The following PLAGL1 variants were observed in gnomAD, a reference collection of about 807,000 sequenced individuals.
PLAGL1 encodes PLAG1 like zinc finger 1.
In PLAGL1, 1 loss-of-function variant was observed where a neutral mutation model predicts 4.6. The observed-to-expected ratio is 0.22, with a 90% CI of 0.08 to 1.03. The LOEUF is 1.03. Ranked by LOEUF, PLAGL1 falls within the 50% of genes least tolerant of loss-of-function variation. The pLI is 0.58. For missense variants in PLAGL1, 464 were observed against 570.4 expected (o/e 0.81, Z 1.90); for synonymous variants, 240 against 237.8 (o/e 1.01, Z -0.08).
At position 144,032,326 on chromosome 6, in the gene PLAGL1, G is replaced by A. The variant is rs929535475; in HGVS notation, c.-151+32142C>T. 8.3e-5 allele frequency among the ~76,000 whole-genome samples: 11 copies of A among 132,330 alleles called. No homozygotes were observed. In the South Asian group the frequency reaches 2.7e-3, roughly 33 times the overall value. 86.8% of individuals were successfully genotyped at this position (132,330 alleles called of 152,430 possible). On this transcript the variant is annotated intron_variant, in intron 1 of 3. Transcript: ENST00000437412. ...TTTGGTGGAGATGAGGTTTCACTAT[G>A]TTGCCCAGGCTGGTCTCAAAGTCCT...
In PLAGL1 at chr6:143,957,431, C is replaced by G. The variant is rs147476456; in HGVS notation, c.-325+3038G>C. 6.6e-4 allele frequency among the ~76,000 whole-genome samples: 101 copies of G among 152,312 alleles called. No homozygotes were observed. The highest frequency in any genetic ancestry group is 2.4e-3 in the African/African-American group (100 of 41,560). On this transcript the variant is annotated intron_variant, in intron 6 of 7. Transcript: ENST00000674357. The surrounding 1 kb of genome is among the most constrained non-coding windows in gnomAD (Gnocchi z 4.2). The stretch of plus-strand genomic sequence containing the variant: ...TGATAGCTGAAAATACATCCCCCTC[C>G]TCACTCCCTAGAAACCCTTGAGTCT...
At chr6:143,993,131 A>AC (rs959945445) in intron 1 of PLAGL1, among the ~76,000 whole-genome samples, 7 of 151,550 alleles carry the variant, frequency 4.6e-5, no homozygotes, top group Admixed American at 3.3e-4. Flanking sequence ...ACACAGTGAA[A>AC]CCCCACCTCT....
Position 144,022,249 on chromosome 6 carries a change from C to A in PLAGL1, c.-151+42219G>T, listed in dbSNP as rs1011184987. ...GGCAAAGATCTGAACAGACAGCTCACCAGAGGAGATATGTAGATGGCATGT... is the reference window on the plus strand; with the variant it reads ...GGCAAAGATCTGAACAGACAGCTCAACAGAGGAGATATGTAGATGGCATGT... On this transcript the variant is annotated intron_variant, in intron 1 of 3. Transcript: ENST00000437412. The surrounding 1 kb of genome is among the most constrained non-coding windows in gnomAD (Gnocchi z 4.2). Among the ~76,000 whole-genome samples, 5 of 152,122 alleles carry A rather than the reference C, an allele frequency of 3.3e-5. No homozygotes were observed. The highest frequency in any genetic ancestry group is 1.2e-4 in the African/African-American group (5 of 41,410).
At position 143,942,149 on chromosome 6, in the gene PLAGL1, T is replaced by G. The variant is rs752153135; in HGVS notation, c.667A>C (p.Ser223Arg). 8.1e-6 allele frequency: 13 copies of G among 1,613,994 alleles called. No individual in the cohort carries two copies. In the South Asian group the frequency reaches 1.3e-4, roughly 16 times the overall value. Residue 223 changes from serine (S) to arginine (R), a missense_variant, in exon 8 of 8, where the codon AGC (serine) becomes CGC (arginine). Ser to Arg is a moderately radical substitution (Grantham distance 110, BLOSUM62 -1). Around this residue, in one of 4 missense-constraint regions of PLAGL1, gnomAD observed 248 missense variants for 250.1 expected, o/e 0.99. Transcript: ENST00000674357. This position sits in a 1 kb window ranked among gnomAD's most constrained non-coding sequence, Gnocchi z 7.6. ...GAAGGCGAGATGGTGTGGAAGGTGC[T>G]CAGAAGGTCTCCGGTCTGCAAGCTC... The part of the protein sequence containing the change: ...KESLQTGDLL[S>R]TFHTISPSFQ...
rs1780784124 is a variant in PLAGL1, at chr6:143,950,353, C to T, written c.-324-1893G>A. Reference sequence around the variant, plus strand: ...CAGTATTCTAGTTCATGCCTGAGGCCCTATCTTGAGGAATCCTCAACAGCC... The same window carrying T: ...CAGTATTCTAGTTCATGCCTGAGGCTCTATCTTGAGGAATCCTCAACAGCC... On this transcript the variant is annotated intron_variant, in intron 6 of 7. Transcript: ENST00000674357. This position sits in a 1 kb window ranked among gnomAD's most constrained non-coding sequence, Gnocchi z 6.3. Among the ~76,000 whole-genome samples the T allele has an allele frequency of 6.6e-6, 1 of 152,166 alleles. No homozygotes were observed. The highest frequency in any genetic ancestry group is 2.4e-5 in the African/African-American group (1 of 41,434).
At chr6:143,986,353 T>C (rs1358440138) in intron 1 of PLAGL1, among the ~76,000 whole-genome samples, 1 of 152,058 alleles carries the variant, frequency 6.6e-6, no homozygotes, top group Non-Finnish European at 1.5e-5. Flanking sequence ...CATGAAATCA[T>C]AGGAAATTGC....
At chr6:143,993,984 T>C (rs1791108188) in intron 1 of PLAGL1, among the ~76,000 whole-genome samples, 1 of 151,898 alleles carries the variant, frequency 6.6e-6, no homozygotes, top group Non-Finnish European at 1.5e-5. Flanking sequence ...TAGAAAGGTT[T>C]GCTCAGTTCC....
chr6:143,990,840 T>G lies in PLAGL1; in HGVS notation c.-583-5666A>C, dbSNP rs1187452999. Among the ~76,000 whole-genome samples the G allele has an allele frequency of 6.6e-6, 1 of 152,226 alleles. No homozygotes were observed. Among genetic ancestry groups the G allele is most frequent in the Middle Eastern group, 3.2e-3 (1 of 316 alleles). ...TGCATTATATATCAGACACATTCCT[T>G]AGAATATCTCATTGTTTTTCATTAT... On this transcript the variant is annotated intron_variant, in intron 1 of 7. Coordinates refer to ENST00000674357, the MANE Select transcript of PLAGL1 (RefSeq NM_001317162.2). The surrounding 1 kb of genome is among the most constrained non-coding windows in gnomAD (Gnocchi z 5.4).
Position 143,942,723 on chromosome 6 carries a change from T to A in PLAGL1, c.153-60A>T. 1 of 1,221,290 alleles carries A rather than the reference T, an allele frequency of 8.2e-7. No homozygotes were observed. The highest frequency in any genetic ancestry group is 1.2e-6 in the Non-Finnish European group (1 of 864,182). The allele number at this position is 1,221,290 out of a possible 1,614,324, so 75.7% of individuals were successfully genotyped here. On this transcript the variant is annotated intron_variant, in intron 7 of 7. Coordinates refer to ENST00000674357, the MANE Select transcript of PLAGL1 (RefSeq NM_001317162.2). The surrounding 1 kb of genome is among the most constrained non-coding windows in gnomAD (Gnocchi z 7.6). ...TTGTTTTAAGAGCTGAAGAAAGGTG[T>A]AGCAACAATATTATATCAAAATGTT...
intron 1 of PLAGL1, chr6:144,037,760 C>G (rs1287306282): frequency 4.6e-5 from 7 of 152,044 alleles, no homozygotes; most frequent in African/African-American, 1.7e-4. Flanking sequence ...ACAAAATAGT[C>G]ACTTTCACAA....
At chr6:144,003,933 G>A (rs1290731186) in intron 1 of PLAGL1, among the ~76,000 whole-genome samples, 1 of 152,212 alleles carries the variant, frequency 6.6e-6, no homozygotes, top group Non-Finnish European at 1.5e-5. Flanking sequence ...ACCAACGGAA[G>A]TTGGAAGAAC....
At position 144,064,475 on chromosome 6, in the gene PLAGL1, CAA is replaced by C. The variant is rs1799683161; in HGVS notation, c.-160_-159del. On this transcript the variant is annotated 5_prime_UTR_variant, in exon 1 of 4. Transcript: ENST00000437412. This position sits in a 1 kb window ranked among gnomAD's most constrained non-coding sequence, Gnocchi z 6.8. The stretch of plus-strand genomic sequence containing the variant: ...CCTGCCTTTCCTACCTACCCGCCGC[CAA>C]GTTTCCCCCGCTTGGAAAGTTCTGG... 6.6e-6 allele frequency: 1 copy of C among 152,450 alleles called. No homozygotes were observed. The highest frequency in any genetic ancestry group is 2.1e-4 in the South Asian group (1 of 4,838). The allele number at this position is 152,450 out of a possible 1,614,324, so 9.4% of individuals were successfully genotyped here.
chr6:144,032,284 CT>C (rs11288479), intron 1 of PLAGL1, among the ~76,000 whole-genome samples: 24,594 of 113,350 alleles, frequency 0.22, 1,985 homozygotes, highest in East Asian at 0.3. Flanking sequence ...CCACACCTGG[CT>C]TTTTTTTTTT....
In PLAGL1 at chr6:143,983,673, G is replaced by C. The variant is rs997831996; in HGVS notation, c.-544+1462C>G. ...ATGAGTGGATGAGTGATTTTAATGA[G>C]AGGGTAGGCTATTGACGTTGAGTAA... On this transcript the variant is annotated intron_variant, in intron 2 of 7. Transcript: ENST00000674357. This position sits in a 1 kb window ranked among gnomAD's most constrained non-coding sequence, Gnocchi z 6.6. Among the ~76,000 whole-genome samples the C allele has an allele frequency of 1.3e-5, 2 of 152,110 alleles. No homozygotes were observed. Among genetic ancestry groups the C allele is most frequent in the African/African-American group, 4.8e-5 (2 of 41,426 alleles).
chr6:144,040,939 C>A (rs1409461194), intron 1 of PLAGL1, among the ~76,000 whole-genome samples: 2 of 152,022 alleles, frequency 1.3e-5, no homozygotes, highest in Non-Finnish European at 2.9e-5. Context: ...GTAAAGATAG[C>A]CCACCTTGAA....
chr6:143,960,236 G>A lies in PLAGL1; in HGVS notation c.-325+233C>T, dbSNP rs956101015. Among the ~76,000 whole-genome samples, 1 of 152,168 alleles carries A rather than the reference G, an allele frequency of 6.6e-6. No individual in the cohort carries two copies. Among genetic ancestry groups the A allele is most frequent in the Non-Finnish European group, 1.5e-5 (1 of 68,030 alleles). ...GGGACAGCAGAGGTCATGAAAAGTT[G>A]CTAACTGCATCATCCAATTCCCTGA... On this transcript the variant is annotated intron_variant, in intron 6 of 7. Coordinates refer to ENST00000674357, the MANE Select transcript of PLAGL1 (RefSeq NM_001317162.2). This position sits in a 1 kb window ranked among gnomAD's most constrained non-coding sequence, Gnocchi z 5.7.
At chr6:144,011,529 C>A (rs1398182924), upstream of PLAGL1, among the ~76,000 whole-genome samples, 1 of 152,118 alleles carries the variant, frequency 6.6e-6, no homozygotes, top group East Asian at 1.9e-4. The surrounding 1 kb of genome is among the most constrained non-coding windows in gnomAD (Gnocchi z 4.3). Context: ...GTCAGTTATT[C>A]TAGATCAATT....
chr6:143,941,364 A>C lies in PLAGL1; in HGVS notation c.*60T>G. On this transcript the variant is annotated 3_prime_UTR_variant, in exon 8 of 8. Transcript: ENST00000674357. This position sits in a 1 kb window ranked among gnomAD's most constrained non-coding sequence, Gnocchi z 6.0. ...CCAAATCTTTCTCATATTGTAACTGACATTTAAAATGCTTCTTAAAACATC... is the reference window on the plus strand; with the variant it reads ...CCAAATCTTTCTCATATTGTAACTGCCATTTAAAATGCTTCTTAAAACATC... The C allele has an allele frequency of 7.7e-7, 1 of 1,299,082 alleles. No homozygotes were observed. Among genetic ancestry groups the C allele is most frequent in the East Asian group, 2.4e-5 (1 of 41,426 alleles). The allele number at this position is 1,299,082 out of a possible 1,614,324, so 80.5% of individuals were successfully genotyped here.
In PLAGL1 at chr6:143,954,976, G is replaced by C. The variant is rs77797516; in HGVS notation, c.-325+5493C>G. On this transcript the variant is annotated intron_variant, in intron 6 of 7. Transcript: ENST00000674357. This position sits in a 1 kb window ranked among gnomAD's most constrained non-coding sequence, Gnocchi z 5.1. Reference sequence around the variant, plus strand: ...AATAAAGACAGGTAACTAGTGCCCAGCCAAAGGGAAAGAGACAATATGCAA... The same window carrying C: ...AATAAAGACAGGTAACTAGTGCCCACCCAAAGGGAAAGAGACAATATGCAA... Among the ~76,000 whole-genome samples the C allele has an allele frequency of 4.2e-3, 640 of 152,250 alleles. 34 individuals are homozygous for C. In the East Asian group the frequency reaches 0.11, roughly 27 times the overall value.
Sources: gnomAD v4.1 joint callset for allele counts (sites outside exome capture counted in the v4.1 genomes callset) on GRCh38, gnomAD v4.1.1 for gene constraint, gnomAD v4.1.1 regional missense constraint, Gnocchi (gnomAD v3.1) non-coding constraint, MANE v1.5 for transcripts, NCBI Gene and HGNC (gene_info 2026-07-23, HGNC 2026-07-21) for gene names.